Variants in MGRN1 observed in about 807,000 individuals in gnomAD.
MGRN1 encodes mahogunin ring finger 1.
In MGRN1, 29 loss-of-function variants were observed where a neutral mutation model predicts 69.2. The ratio of observed to expected loss-of-function variants is 0.42; its 90% CI spans 0.31 to 0.57. The LOEUF (loss-of-function observed/expected upper bound fraction) is 0.57, where lower values mean the gene tolerates loss of function less well. Ranked by LOEUF, MGRN1 falls within the 20% of genes least tolerant of loss-of-function variation. The pLI, the probability that MGRN1 is intolerant of heterozygous loss-of-function variation, is 0.15. For missense variants in MGRN1, 998 were observed against 796.2 expected, an observed-to-expected ratio of 1.25 and a Z score of -3.05; for synonymous variants, 470 against 344.2, an observed-to-expected ratio of 1.37 and a Z score of -4.04.
intron 8 of MGRN1, 120 bp from the exon 9 acceptor site, chr16:4,671,271 C>T (rs1308576876): frequency 2.1e-6 from 2 of 933,186 alleles, no homozygotes; most frequent in African/African-American, 3.3e-5. Flanking sequence ...AGGGGTTGAG[C>T]TGGACTGACC....
At chr16:4,638,419 C>T (rs1298364886) in intron 1 of MGRN1, among the ~76,000 whole-genome samples, 4 of 151,768 alleles carry the variant, frequency 2.6e-5, no homozygotes, top group African/African-American at 7.3e-5. Context: ...GAGCCGTGAT[C>T]GTACCACTGC....
intron 7 of MGRN1, among the ~76,000 whole-genome samples, chr16:4,666,170 C>T (rs118134847): frequency 6.6e-6 from 1 of 152,158 alleles, no homozygotes; most frequent in East Asian, 1.9e-4. Flanking sequence ...CTCTGTTGCC[C>T]AGGCTAGAGG....
At chr16:4,656,886 TAAATAAATAAATAAA>T (rs989970981) in intron 4 of MGRN1, among the ~76,000 whole-genome samples, 3 of 1,394 alleles carry the variant, frequency 2.2e-3, no homozygotes, top group African/African-American at 3.2e-3. Flanking sequence ...ATCTCAAAAA[TAAATAAATAAATAAA>T]TAAATAAATA....
intron 10 of MGRN1, among the ~76,000 whole-genome samples, chr16:4,674,611 C>CTTTTTTTTTT (rs2079013678): frequency 3.8e-5 from 3 of 79,318 alleles, no homozygotes; most frequent in Admixed American, 1.4e-4. Context: ...CTTTTTTTTT[C>CTTTTTTTTTT]TTTTCTTTTC....
At chr16:4,672,001 G>A (rs1376543828) in intron 9 of MGRN1, among the ~76,000 whole-genome samples, 4 of 152,204 alleles carry the variant, frequency 2.6e-5, no homozygotes, top group Non-Finnish European at 5.9e-5. Context: ...CGCCTCCCGG[G>A]TTCAAGCGAT....
At chr16:4,650,336 T>C (rs76586553) in intron 1 of MGRN1, 29 bp from the exon 2 acceptor site, 1 of 1,342,760 alleles carries the variant, frequency 7.4e-7, no homozygotes, top group Non-Finnish European at 1.0e-6. Flanking sequence ...AAAAAAAAAA[T>C]CTATAATCGT....
intron 16 of MGRN1, chr16:4,688,326 T>A: frequency 1.0e-6 from 1 of 988,424 alleles, no homozygotes; most frequent in Non-Finnish European, 1.2e-6. Context: ...TCTCTTTGCC[T>A]TGCAGTAGCC....
At chr16:4,674,241 C>T (rs946233830) in intron 10 of MGRN1, among the ~76,000 whole-genome samples, 5 of 152,330 alleles carry the variant, frequency 3.3e-5, no homozygotes, top group East Asian at 3.9e-4. Context: ...GCCTCAGCCT[C>T]TCAAAGTGCT....
chr16:4,688,819 G>A lies in MGRN1; in HGVS notation c.1642G>A (p.Ala548Thr), dbSNP rs980567302. Residue 548 changes from alanine to threonine, a missense_variant, in exon 17 of 17, where the codon GCC (alanine) becomes ACC (threonine). Physicochemically the swap from Ala to Thr is moderately conservative, Grantham distance 58. Coordinates refer to ENST00000262370, the MANE Select transcript of MGRN1 (RefSeq NM_015246.4). Reference protein sequence around the residue: ...LPGRPTSMETAHGLATTSPTW... With the variant: ...LPGRPTSMETTHGLATTSPTW... ...AGGACGGCCCACCTCCATGGAGACGGCCCACGGCCTCGCCACCACCAGCCC... is the reference window on the plus strand; with the variant it reads ...AGGACGGCCCACCTCCATGGAGACGACCCACGGCCTCGCCACCACCAGCCC... 5.2e-6 allele frequency: 8 copies of A among 1,552,618 alleles called. No homozygotes were observed. The African/African-American group carries it at 9.6e-5, about 19-fold the overall frequency.
intron 1 of MGRN1, chr16:4,649,567 C>T (rs1434985860): frequency 2.6e-5 from 4 of 152,362 alleles, no homozygotes; most frequent in African/African-American, 9.6e-5. Context: ...CCAAACCTCC[C>T]TCTCCTTTCT....
At chr16:4,659,535 C>T (rs1000727572) in intron 5 of MGRN1, among the ~76,000 whole-genome samples, 3 of 152,172 alleles carry the variant, frequency 2.0e-5, no homozygotes, top group Admixed American at 1.3e-4. Flanking sequence ...TCACGATGCC[C>T]CCAGTTGTCC....
chr16:4,680,230 C>G, intron 12 of MGRN1, 133 bp downstream of exon 12: 1 of 856,128 alleles, frequency 1.2e-6, no homozygotes, highest in Admixed American at 2.6e-5. Context: ...CTTGCCCAGT[C>G]CCGGCCTCCC....
At chr16:4,652,588 C>T in intron 3 of MGRN1, 90 bp from the exon 4 acceptor site, 1 of 1,473,870 alleles carries the variant, frequency 6.8e-7, no homozygotes. Context: ...ACATAGCCAC[C>T]TCCACGGCCC....
At chr16:4,632,912 G>T (rs1898082928) in intron 1 of MGRN1, among the ~76,000 whole-genome samples, 1 of 152,028 alleles carries the variant, frequency 6.6e-6, no homozygotes, top group Non-Finnish European at 1.5e-5. Context: ...GCAAAACCTT[G>T]TCTCTACAAA....
intron 5 of MGRN1, among the ~76,000 whole-genome samples, chr16:4,661,383 GCCCTCTCCCGGAGGA>G (rs1377206209): frequency 6.6e-6 from 1 of 152,150 alleles, no homozygotes; most frequent in Non-Finnish European, 1.5e-5. Flanking sequence ...GCACCCTCCA[GCCCTCTCCCGGAGGA>G]GGCTGGGTCG....
chr16:4,663,834 G>A (rs933021688), intron 5 of MGRN1, among the ~76,000 whole-genome samples: 9 of 152,226 alleles, frequency 5.9e-5, no homozygotes, highest in African/African-American at 1.9e-4. Context: ...GGGGCCCTGG[G>A]GGCCGTGGGG....
At position 4,654,374 on chromosome 16, in the gene MGRN1, G is replaced by A. The variant is rs571409638; in HGVS notation, c.443+1550G>A. 1.8e-4 allele frequency among the ~76,000 whole-genome samples: 28 copies of A among 152,350 alleles called. 1 individual carries two copies. In the South Asian group the frequency reaches 4.1e-3, roughly 23 times the overall value. ...TTTATTTTTTATTGTGTCATAATTA[G>A]ATATTTGTACTTTCAGAGGTTTTAT... is the stretch of plus-strand genomic sequence containing the variant. On this transcript the variant is annotated intron_variant, in intron 4 of 16. Coordinates refer to ENST00000262370, the MANE Select transcript of MGRN1 (RefSeq NM_015246.4).
At chr16:4,650,247 G>C in intron 1 of MGRN1, 118 bp from the exon 2 acceptor site, 1 of 721,444 alleles carries the variant, frequency 1.4e-6, no homozygotes, top group Non-Finnish European at 2.3e-6. Context: ...AGCTTGCAGT[G>C]AGCTGAGATA....
At chr16:4,683,809 C>T (rs770709303) in intron 15 of MGRN1, 34 bp from the exon 16 acceptor site, 1 of 1,596,156 alleles carries the variant, frequency 6.3e-7, no homozygotes, top group South Asian at 1.1e-5. Flanking sequence ...CTGGCCCCTG[C>T]CTGTAGGTCC....
Sources: allele counts gnomAD v4.1 joint callset (sites outside exome capture counted in the v4.1 genomes callset), GRCh38; gene constraint gnomAD v4.1.1; transcripts MANE v1.5; gene names NCBI Gene and HGNC (gene_info 2026-07-23, HGNC 2026-07-21).